Variants in MYB observed in about 807,000 individuals in gnomAD.
MYB encodes the protein transcriptional activator Myb.
Under a neutral mutation model 92.9 loss-of-function variants are expected in MYB, and 28 were observed. That is an observed-to-expected ratio of 0.30 (90% CI 0.22 to 0.41). The LOEUF is 0.41. Ranked by LOEUF, MYB falls within the 10% of genes least tolerant of loss-of-function variation. The pLI is 1.00. For missense variants in MYB, 679 were observed against 929.3 expected, an observed-to-expected ratio of 0.73 and a Z score of 3.50; for synonymous variants, 295 against 329.1, an observed-to-expected ratio of 0.90 and a Z score of 1.12.
At position 135,203,785 on chromosome 6, in the gene MYB, A is replaced by C. The variant is rs537951048; in HGVS notation, c.2169+461A>C. 29 of 1,310,008 alleles carry C rather than the reference A, an allele frequency of 2.2e-5. No individual in the cohort carries two copies. In the East Asian group the frequency reaches 1.4e-3, roughly 62 times the overall value. 81.1% of individuals were successfully genotyped at this position (1,310,008 alleles called of 1,614,324 possible). A position where few individuals can be genotyped will look rare whatever the true frequency, so the allele number is the denominator to read the frequency against. ...AATTAGTCAGACAGAAAATAATTGC[A>C]ATGTATTTGACTGTCAGAATAAGAA... On this transcript the variant is annotated intron_variant, in intron 15 of 15. Coordinates refer to ENST00000341911, the MANE Select transcript of MYB (RefSeq NM_001130173.2).
At chr6:135,201,821 A>G in intron 14 of MYB, 72 bp downstream of exon 14, 3 of 851,370 alleles carry the variant, frequency 3.5e-6, no homozygotes, top group Non-Finnish European at 5.1e-6. Context: ...TGTGTGGCAT[A>G]GGGCTGCTGC....
rs887031151 is a variant in MYB, at chr6:135,218,900, G to C, written c.*920G>C. 1.7e-5 allele frequency: 4 copies of C among 228,834 alleles called. No homozygotes were observed. The highest frequency in any genetic ancestry group is 8.9e-5 in the African/African-American group (4 of 45,024). The allele number at this position is 228,834 out of a possible 1,614,324, so 14.2% of individuals were successfully genotyped here. ...ACTTCTTTTTTGGGAGATGTGTGTT[G>C]TTGATGTTCTATGTTTTGTTTTGAG... is the stretch of plus-strand genomic sequence containing the variant. On this transcript the variant is annotated 3_prime_UTR_variant, in exon 16 of 16. Coordinates refer to ENST00000341911, the MANE Select transcript of MYB (RefSeq NM_001130173.2).
At position 135,187,919 on chromosome 6, in the gene MYB, T is replaced by C. The variant is rs372019795; in HGVS notation, c.213+14T>C. ...AATTATCTCCCGGTAAGTTAGTAAG[T>C]TTTTCTTATAACGAAAGGAAAGCTT... On this transcript the variant is annotated intron_variant, in intron 3 of 15. Transcript: ENST00000341911. The C allele has an allele frequency of 4.2e-5, 67 of 1,585,826 alleles. No individual in the cohort carries two copies. The African/African-American group carries it at 7.7e-4, about 18-fold the overall frequency.
chr6:135,192,171 C>T (rs559848129), intron 5 of MYB, among the ~76,000 whole-genome samples, 153 bp from the exon 6 acceptor site: 1 of 152,276 alleles, frequency 6.6e-6, no homozygotes, highest in South Asian at 2.1e-4. Context: ...AAAGCCTGAT[C>T]TCAGAGGGTG....
At position 135,190,292 on chromosome 6, in the gene MYB, G is replaced by A. The variant is rs1316774942; in HGVS notation, c.472G>A (p.Ala158Thr). ...AGAGGAAGACAGAATTATTTACCAG[G>A]CACACAAGAGACTGGGGAACAGATG... ...TEEEDRIIYQ[A>T]HKRLGNRWAE... Residue 158 changes from alanine (A) to threonine (T), a missense_variant, in exon 5 of 16, where the codon GCA (alanine) becomes ACA (threonine). Physicochemically the swap from Ala to Thr is moderately conservative, Grantham distance 58 (BLOSUM62 0). This residue lies in a region of MYB where 37 missense variants were observed against 98.0 expected (regional missense o/e 0.38). Transcript: ENST00000341911. This position sits in a 1 kb window ranked among gnomAD's most constrained non-coding sequence, Gnocchi z 4.5. The A allele has an allele frequency of 1.2e-6, 2 of 1,614,148 alleles. No individual in the cohort carries two copies. The highest frequency in any genetic ancestry group is 8.5e-7 in the Non-Finnish European group (1 of 1,180,014).
rs552951024 is a variant in MYB, at chr6:135,182,567, C to T, written c.23+1031C>T. Among the ~76,000 whole-genome samples the T allele has an allele frequency of 5.9e-5, 9 of 151,772 alleles. No individual in the cohort carries two copies. The highest frequency in any genetic ancestry group is 1.3e-4 in the Non-Finnish European group (9 of 67,932). On this transcript the variant is annotated intron_variant, in intron 1 of 15. Coordinates refer to ENST00000341911, the MANE Select transcript of MYB (RefSeq NM_001130173.2). The surrounding 1 kb of genome is among the most constrained non-coding windows in gnomAD (Gnocchi z 5.6). ...CCTGCGCGGCGCGCACACGTGGATG[C>T]GGCTGAGGTCGCCGCGCCTTCTCGC...
intron 2 of MYB, among the ~76,000 whole-genome samples, chr6:135,187,448 A>G (rs1236274797): frequency 3.3e-5 from 5 of 152,204 alleles, no homozygotes; most frequent in African/African-American, 1.2e-4. Context: ...CACTCAATAT[A>G]TGCCAGGCAT....
rs542636134 is a variant in MYB, at chr6:135,203,931, T to C, written c.2169+607T>C. 614 of 1,107,856 alleles carry C rather than the reference T, an allele frequency of 5.5e-4. 7 individuals carry two copies. The Middle Eastern group carries it at 8.4e-3, about 15-fold the overall frequency. The allele number at this position is 1,107,856 out of a possible 1,614,324, so 68.6% of individuals were successfully genotyped here. ...TGTGTGTTGATGAAATATAACCAAT[T>C]CCAAATTAATCCTGAGCCAAATGTA... On this transcript the variant is annotated intron_variant, in intron 15 of 15. Coordinates refer to ENST00000341911, the MANE Select transcript of MYB (RefSeq NM_001130173.2).
chr6:135,215,138 A>G (rs1780262451), intron 15 of MYB, among the ~76,000 whole-genome samples: 1 of 152,232 alleles, frequency 6.6e-6, no homozygotes, highest in South Asian at 2.1e-4. Context: ...GCCCTAGGAA[A>G]GTTTAAAAGC....
At chr6:135,189,337 C>CT (rs1481883713) in intron 3 of MYB, among the ~76,000 whole-genome samples, 1 of 152,134 alleles carries the variant, frequency 6.6e-6, no homozygotes, top group Non-Finnish European at 1.5e-5. Context: ...TTTTATGCAT[C>CT]TTTTTTCTTT....
In MYB at chr6:135,200,295, G is replaced by C; in HGVS notation, c.1830G>C (p.Gln610His). The change falls in exon 13 of 16, where the codon CAG (glutamine) becomes CAC (histidine). Residue 610 changes from glutamine (Q) to histidine (H), a missense_variant. This residue lies in a region of MYB where 402 missense variants were observed against 434.2 expected (regional missense o/e 0.93). Coordinates refer to ENST00000341911, the MANE Select transcript of MYB (RefSeq NM_001130173.2). Reference sequence around the variant, plus strand: ...ATACCCACTCTTCCGTTTAGCCTCAGACACCCTCTCATCTAGTAGAAGATC... The same window carrying C: ...ATACCCACTCTTCCGTTTAGCCTCACACACCCTCTCATCTAGTAGAAGATC... Reference protein sequence around the residue: ...IKYGPLKMLPQTPSHLVEDLQ... With the variant: ...IKYGPLKMLPHTPSHLVEDLQ... The C allele has an allele frequency of 6.2e-7, 1 of 1,613,986 alleles. No individual in the cohort carries two copies. The highest frequency in any genetic ancestry group is 8.5e-7 in the Non-Finnish European group (1 of 1,179,960).
In MYB at chr6:135,200,117, T is replaced by C. The variant is rs1203017096; in HGVS notation, c.1742T>C (p.Leu581Ser). Residue 581 changes from leucine to serine, a missense_variant, in exon 12 of 16, where the codon TTA (leucine) becomes TCA (serine). By Grantham distance (145) the Leu-to-Ser change is moderately radical. Around this residue, in one of 8 missense-constraint regions of MYB, gnomAD observed 402 missense variants for 434.2 expected, o/e 0.93. Coordinates refer to ENST00000341911, the MANE Select transcript of MYB (RefSeq NM_001130173.2). The stretch of plus-strand genomic sequence containing the variant: ...ACCCCAGCTATCAAAAGGTCAATCT[T>C]AGAAAGCTCTCCAAGAACTCCTACA... The part of the protein sequence containing the change: ...FRTPAIKRSI[L>S]ESSPRTPTPF... 25 of 1,614,062 alleles carry C rather than the reference T, an allele frequency of 1.5e-5. No homozygotes were observed. In the Admixed American group the frequency reaches 3.8e-4, roughly 25 times the overall value.
chr6:135,184,646 G>GT (rs1193541741), intron 1 of MYB, among the ~76,000 whole-genome samples: 1 of 152,164 alleles, frequency 6.6e-6, no homozygotes, highest in Non-Finnish European at 1.5e-5. Flanking sequence ...AGCTTCACTT[G>GT]TAGGGGGCTG....
chr6:135,203,089 C>A, intron 14 of MYB, 128 bp from the exon 15 acceptor site: 1 of 735,908 alleles, frequency 1.4e-6, no homozygotes, highest in Non-Finnish European at 2.4e-6. Flanking sequence ...GAATTTCTGG[C>A]AGATGACTGC....
chr6:135,217,797 G>A, intron 15 of MYB, 67 bp from the exon 16 acceptor site: 2 of 1,100,972 alleles, frequency 1.8e-6, no homozygotes, highest in Admixed American at 1.7e-5. Flanking sequence ...GTCAGTGCTG[G>A]CCCTGCTGGG....
chr6:135,196,284 A>G lies in MYB; in HGVS notation c.1203+282A>G, dbSNP rs56047207. Among the ~76,000 whole-genome samples, 39 of 152,304 alleles carry G rather than the reference A, an allele frequency of 2.6e-4. No individual in the cohort carries two copies. In the East Asian group the frequency reaches 4.6e-3, roughly 18 times the overall value. The stretch of plus-strand genomic sequence containing the variant: ...TTTCCTTCAAAAGTCATATTTTTAA[A>G]AATAGTCAGATTGATGACTTATAAA... On this transcript the variant is annotated intron_variant, in intron 9 of 15. Transcript: ENST00000341911.
intron 3 of MYB, among the ~76,000 whole-genome samples, chr6:135,188,430 C>T (rs2128287238): frequency 6.6e-6 from 1 of 151,696 alleles, no homozygotes; most frequent in East Asian, 1.9e-4. Flanking sequence ...CCTGCCCTCT[C>T]ATTTGGACTA....
intron 6 of MYB, 101 bp downstream of exon 6, chr6:135,192,659 T>C: frequency 1.8e-6 from 2 of 1,127,324 alleles, no homozygotes; most frequent in Non-Finnish European, 2.6e-6. Flanking sequence ...AGAACTTTCC[T>C]GAGCATGATC....
rs377164075 is a variant in MYB, at chr6:135,190,083, A to G, written c.307-44A>G. ...TGAAGAATGATTATACTGACTCATT[A>G]CATAACTTTAAAACATAGGTTATTT... On this transcript the variant is annotated intron_variant, in intron 4 of 15. Transcript: ENST00000341911. This position sits in a 1 kb window ranked among gnomAD's most constrained non-coding sequence, Gnocchi z 4.5. The G allele has an allele frequency of 1.3e-5, 20 of 1,590,146 alleles. No homozygotes were observed. In the African/African-American group the frequency reaches 2.2e-4, roughly 17 times the overall value.
Sources: gnomAD v4.1 joint callset for allele counts (sites outside exome capture counted in the v4.1 genomes callset) on GRCh38, gnomAD v4.1.1 for gene constraint, gnomAD v4.1.1 regional missense constraint, Gnocchi (gnomAD v3.1) non-coding constraint, MANE v1.5 for transcripts, NCBI Gene and HGNC (gene_info 2026-07-23, HGNC 2026-07-21) for gene names.